The following SPRED1 variants were observed in gnomAD, a reference collection of about 807,000 sequenced individuals.
The protein encoded by SPRED1 is sprouty-related, EVH1 domain-containing protein 1.
In SPRED1, 18 loss-of-function variants were observed where a neutral mutation model predicts 52.3. The observed-to-expected ratio is 0.34, with a 90% confidence interval of 0.24 to 0.51. The LOEUF (loss-of-function observed/expected upper bound fraction) is 0.51. Ranked by LOEUF, SPRED1 falls within the 20% of genes least tolerant of loss-of-function variation. The probability of loss-of-function intolerance (pLI) is 0.97; values close to 1 mark genes in which losing one functional copy is unlikely to be tolerated. For synonymous variants in SPRED1, 155 were observed against 179.7 expected, an observed-to-expected ratio of 0.86 and a Z score of 1.10; for missense variants, 485 against 551.0, an observed-to-expected ratio of 0.88 and a Z score of 1.20.
intron 2 of SPRED1, among the ~76,000 whole-genome samples, chr15:38,311,213 G>A (rs1205773840): frequency 6.6e-6 from 1 of 152,076 alleles, no homozygotes; most frequent in Admixed American, 6.6e-5. Flanking sequence ...CTGTTGATAC[G>A]ATAGATTATA....
At chr15:38,293,356 C>G (rs1894964909) in intron 1 of SPRED1, among the ~76,000 whole-genome samples, 1 of 151,998 alleles carries the variant, frequency 6.6e-6, no homozygotes, top group Admixed American at 6.6e-5. Flanking sequence ...CCTCGGCCTC[C>G]CAAAGTGCTG....
At chr15:38,313,433 T>C (rs1169445954) in intron 2 of SPRED1, among the ~76,000 whole-genome samples, 1 of 151,950 alleles carries the variant, frequency 6.6e-6, no homozygotes, top group Non-Finnish European at 1.5e-5. Context: ...TAGATTCATA[T>C]TATTCATCCT....
At chr15:38,316,990 C>T (rs965325777) in intron 2 of SPRED1, among the ~76,000 whole-genome samples, 2 of 151,566 alleles carry the variant, frequency 1.3e-5, no homozygotes, top group African/African-American at 4.8e-5. Context: ...TTTACAGTAG[C>T]TGTCTACACT....
At chr15:38,258,121 C>T (rs1182659060) in intron 1 of SPRED1, among the ~76,000 whole-genome samples, 1 of 152,124 alleles carries the variant, frequency 6.6e-6, no homozygotes, top group South Asian at 2.1e-4. Context: ...AATTTATTTG[C>T]AATTCTGCCA....
In SPRED1 at chr15:38,352,746, A is replaced by G. The variant is rs1415671383; in HGVS notation, c.*1082A>G. On this transcript the variant is annotated 3_prime_UTR_variant, in exon 7 of 7. Transcript: ENST00000299084. ...CAGAATATGTTCAGCTGTGTTACTA[A>G]TTTTTCAGCTTAATCCTCAGTGCTT... 6.6e-6 allele frequency: 1 copy of G among 152,040 alleles called. No individual in the cohort carries two copies. Among genetic ancestry groups the G allele is most frequent in the African/African-American group, 2.4e-5 (1 of 41,420 alleles). 9.4% of individuals were successfully genotyped at this position (152,040 alleles called of 1,614,324 possible).
chr15:38,265,508 C>T (rs910472458), intron 1 of SPRED1, among the ~76,000 whole-genome samples: 1 of 151,758 alleles, frequency 6.6e-6, no homozygotes. Flanking sequence ...AAAATTCCAA[C>T]ATTAGAAAAA....
At chr15:38,347,373 A>C (rs1896160074) in intron 5 of SPRED1, among the ~76,000 whole-genome samples, 1 of 150,426 alleles carries the variant, frequency 6.6e-6, no homozygotes, top group Admixed American at 6.6e-5. Context: ...TTAGTGTCAC[A>C]TTGTCATCTT....
chr15:38,310,819 A>G (rs1438171006), intron 2 of SPRED1, among the ~76,000 whole-genome samples: 2 of 152,102 alleles, frequency 1.3e-5, no homozygotes, highest in Non-Finnish European at 2.9e-5. Flanking sequence ...TTGTTCTTGT[A>G]TCCTGTTACA....
At chr15:38,326,356 G>A (rs1378107460) in intron 4 of SPRED1, 1 of 152,132 alleles carries the variant, frequency 6.6e-6, no homozygotes, top group Non-Finnish European at 1.5e-5. Flanking sequence ...CTAAGGAAGG[G>A]CTCCTAAACA....
intron 5 of SPRED1, among the ~76,000 whole-genome samples, chr15:38,349,080 T>C (rs1896199174): frequency 2.6e-5 from 4 of 152,170 alleles, no homozygotes; most frequent in Admixed American, 2.0e-4. Context: ...GCAACCATTA[T>C]TGTGACATGT....
At position 38,346,443 on chromosome 15, in the gene SPRED1, C is replaced by G. The variant is rs116170764; in HGVS notation, c.583-2979C>G. Among the ~76,000 whole-genome samples the G allele has an allele frequency of 4.1e-3, 618 of 152,158 alleles. 4 individuals are homozygous for G. Among genetic ancestry groups the G allele is most frequent in the African/African-American group, 0.014 (599 of 41,508 alleles). The stretch of plus-strand genomic sequence containing the variant: ...TTCATTTCCCTGTAGACAAATATGA[C>G]AGCATATTTCAAAGATTTATGACAT... On this transcript the variant is annotated intron_variant, in intron 5 of 6. Transcript: ENST00000299084.
chr15:38,255,847 A>G (rs1350552391), intron 1 of SPRED1, among the ~76,000 whole-genome samples: 1 of 152,050 alleles, frequency 6.6e-6, no homozygotes, highest in African/African-American at 2.4e-5. Context: ...AGTAGGGACT[A>G]TTTTTAACAT....
chr15:38,290,587 G>C (rs182203407), intron 1 of SPRED1, among the ~76,000 whole-genome samples: 201 of 152,296 alleles, frequency 1.3e-3, no homozygotes, highest in Non-Finnish European at 1.1e-3. Flanking sequence ...ACAAAAAGAG[G>C]TTTAATTGGA....
rs1054363681 is a variant in SPRED1, at chr15:38,352,986, G to A, written c.*1322G>A. ...TAATTTACAAAATAGTTGGGTAAAT[G>A]TTCCAACAAACTTTAAAGTACCTTG... On this transcript the variant is annotated 3_prime_UTR_variant, in exon 7 of 7. Transcript: ENST00000299084. 6.6e-6 allele frequency: 1 copy of A among 152,164 alleles called. No homozygotes were observed. The highest frequency in any genetic ancestry group is 6.5e-5 in the Admixed American group (1 of 15,278). The allele number at this position is 152,164 out of a possible 1,614,324, so 9.4% of individuals were successfully genotyped here.
At chr15:38,258,260 A>G (rs1207287135) in intron 1 of SPRED1, among the ~76,000 whole-genome samples, 1 of 152,212 alleles carries the variant, frequency 6.6e-6, no homozygotes, top group African/African-American at 2.4e-5. Context: ...TGAAAGCATT[A>G]TGTAGTTTAT....
intron 1 of SPRED1, among the ~76,000 whole-genome samples, chr15:38,276,670 A>G: frequency 6.6e-6 from 1 of 152,176 alleles, no homozygotes; most frequent in East Asian, 1.9e-4. Context: ...ACAATGTGAA[A>G]TACTCTTCCT....
At chr15:38,254,580 CTTAT>C (rs892596009) in intron 1 of SPRED1, among the ~76,000 whole-genome samples, 2 of 152,160 alleles carry the variant, frequency 1.3e-5, no homozygotes, top group African/African-American at 4.8e-5. Context: ...AAATTCGCGG[CTTAT>C]TTGTCTGTGT....
chr15:38,292,601 A>G (rs2140973146), intron 1 of SPRED1, among the ~76,000 whole-genome samples: 1 of 152,322 alleles, frequency 6.6e-6, no homozygotes, highest in South Asian at 2.1e-4. Flanking sequence ...GAAGTCCCTG[A>G]TAAACCCATC....
chr15:38,294,266 G>A (rs1879052520), intron 1 of SPRED1, among the ~76,000 whole-genome samples: 1 of 152,060 alleles, frequency 6.6e-6, no homozygotes. Flanking sequence ...CTATAAATAT[G>A]CCTCAATGGA....
Sources: gnomAD v4.1 joint callset for allele counts (sites outside exome capture counted in the v4.1 genomes callset) on GRCh38, gnomAD v4.1.1 for gene constraint, MANE v1.5 for transcripts, NCBI Gene and HGNC (gene_info 2026-07-23, HGNC 2026-07-21) for gene names.